Variants in UST observed in about 807,000 individuals in gnomAD.
UST encodes chondroitin sulfate 2-O-sulfotransferase.
In UST, 21 loss-of-function variants were observed where a neutral mutation model predicts 45.6. The observed-to-expected ratio is 0.46, with a 90% CI of 0.33 to 0.66. The LOEUF (loss-of-function observed/expected upper bound fraction) is 0.66. Among genes scored for constraint, UST ranks in the 30% least tolerant of loss-of-function variants. The probability of loss-of-function intolerance (pLI) is 0.02; values close to 1 mark genes in which losing one functional copy is unlikely to be tolerated. For synonymous variants in UST, 215 were observed against 200.6 expected (o/e 1.07, Z -0.61); for missense variants, 463 against 512.4 (o/e 0.90, Z 0.93).
chr6:148,875,169 T>G (rs1029261619), intron 1 of UST, among the ~76,000 whole-genome samples: 2 of 152,232 alleles, frequency 1.3e-5, no homozygotes, highest in African/African-American at 4.8e-5. Flanking sequence ...ACATTGACAG[T>G]AATGCATGTT....
intron 5 of UST, among the ~76,000 whole-genome samples, chr6:149,010,304 G>C (rs754403709): frequency 1.3e-5 from 2 of 152,150 alleles, no homozygotes; most frequent in Non-Finnish European, 2.9e-5. Context: ...GTGTTTTCCA[G>C]ACTCTCTGTG....
intron 3 of UST, among the ~76,000 whole-genome samples, chr6:148,950,439 T>C (rs1223425240): frequency 6.6e-6 from 1 of 152,218 alleles, no homozygotes; most frequent in Non-Finnish European, 1.5e-5. Context: ...AAGAATTTTT[T>C]CTGGCTGTTG....
At position 148,906,129 on chromosome 6, in the gene UST, C is replaced by T. The variant is rs77739130; in HGVS notation, c.291+19100C>T. 8.2e-3 allele frequency among the ~76,000 whole-genome samples: 1,254 copies of T among 152,250 alleles called. 12 individuals carry two copies. The highest frequency in any genetic ancestry group is 0.024 in the African/African-American group (1,003 of 41,548). On this transcript the variant is annotated intron_variant, in intron 2 of 7. Coordinates refer to ENST00000367463, the MANE Select transcript of UST (RefSeq NM_005715.3). Reference sequence around the variant, plus strand: ...TGATTCCATGATGCAGTGCCTCTAGCGCGGTGCTGTAGGACGTGAAGCATC... The same window carrying T: ...TGATTCCATGATGCAGTGCCTCTAGTGCGGTGCTGTAGGACGTGAAGCATC...
At chr6:148,938,616 C>T (rs1319607295) in intron 2 of UST, among the ~76,000 whole-genome samples, 1 of 151,946 alleles carries the variant, frequency 6.6e-6, no homozygotes. Flanking sequence ...TTAAAATGAC[C>T]TTCTGTTATG....
intron 2 of UST, among the ~76,000 whole-genome samples, chr6:148,909,212 G>A (rs1434757353): frequency 2.0e-5 from 3 of 152,012 alleles, no homozygotes; most frequent in Non-Finnish European, 4.4e-5. Flanking sequence ...AAATTTAATA[G>A]GCAGTAATTG....
intron 2 of UST, among the ~76,000 whole-genome samples, chr6:148,921,483 C>T (rs534699924): frequency 2.6e-5 from 4 of 152,264 alleles, no homozygotes; most frequent in South Asian, 2.1e-4. Context: ...GCATTCCATC[C>T]GTATGGGGAG....
intron 5 of UST, among the ~76,000 whole-genome samples, chr6:149,008,761 A>G (rs1348123815): frequency 2.0e-5 from 3 of 152,260 alleles, no homozygotes; most frequent in African/African-American, 7.2e-5. Flanking sequence ...CTACCTGGGA[A>G]AGCCCAGCAC....
intron 5 of UST, among the ~76,000 whole-genome samples, chr6:148,965,765 C>T (rs1264533345): frequency 6.6e-6 from 1 of 152,078 alleles, no homozygotes; most frequent in Non-Finnish European, 1.5e-5. Context: ...CGGCTTTCCA[C>T]TCACCTTCGG....
chr6:148,888,339 G>A (rs772978076), intron 2 of UST, among the ~76,000 whole-genome samples: 1 of 152,126 alleles, frequency 6.6e-6, no homozygotes, highest in African/African-American at 2.4e-5. Flanking sequence ...AGGCCACTCC[G>A]ACACTGGGGA....
intron 6 of UST, among the ~76,000 whole-genome samples, chr6:149,019,702 A>G (rs1240968464): frequency 6.6e-6 from 1 of 152,184 alleles, no homozygotes; most frequent in African/African-American, 2.4e-5. Flanking sequence ...CCTCAATCCC[A>G]TAGTGGATAT....
intron 7 of UST, among the ~76,000 whole-genome samples, chr6:149,042,999 CTTTCTTTCTTTCTTTCTTTCTT>C (rs1562337736): frequency 2.5e-5 from 3 of 117,680 alleles, no homozygotes; most frequent in South Asian, 2.6e-4. Flanking sequence ...TTCTTTCTTT[CTTTCTTTCTTTCTTTCTTTCTT>C]TTTCTTTCTT....
At chr6:149,041,176 G>A (rs928614764) in intron 7 of UST, among the ~76,000 whole-genome samples, 2 of 152,212 alleles carry the variant, frequency 1.3e-5, no homozygotes, top group Admixed American at 6.5e-5. Flanking sequence ...GGGCTTTATG[G>A]ATATTGATGC....
chr6:149,009,571 A>ACACACACT (rs1321622737), intron 5 of UST, among the ~76,000 whole-genome samples: 45 of 141,852 alleles, frequency 3.2e-4, no homozygotes, highest in African/African-American at 1.1e-3. Context: ...ACACACACAC[A>ACACACACT]CACACACACA....
At chr6:148,787,321 G>A (rs1776751624) in intron 1 of UST, among the ~76,000 whole-genome samples, 1 of 152,082 alleles carries the variant, frequency 6.6e-6, no homozygotes, top group Non-Finnish European at 1.5e-5. Context: ...TATAGTTTTG[G>A]GTTTTACATT....
chr6:149,008,940 CTCA>C (rs1255369042), intron 5 of UST, among the ~76,000 whole-genome samples: 2 of 152,188 alleles, frequency 1.3e-5, no homozygotes, highest in African/African-American at 4.8e-5. Flanking sequence ...TTTTTCCTGA[CTCA>C]TCATTAAATA....
intron 2 of UST, among the ~76,000 whole-genome samples, chr6:148,899,987 C>T (rs1779216392): frequency 6.6e-6 from 1 of 152,084 alleles, no homozygotes; most frequent in African/African-American, 2.4e-5. Context: ...ATTGTTGCAA[C>T]TAGGTAGACA....
intron 5 of UST, among the ~76,000 whole-genome samples, chr6:149,001,107 T>C (rs1235471030): frequency 4.0e-5 from 6 of 150,278 alleles, no homozygotes; most frequent in Non-Finnish European, 5.9e-5. Context: ...AGTCTTGCTC[T>C]GTCACCCAGG....
At chr6:148,822,835 A>G (rs985083389) in intron 1 of UST, among the ~76,000 whole-genome samples, 2 of 152,222 alleles carry the variant, frequency 1.3e-5, no homozygotes, top group Non-Finnish European at 2.9e-5. Flanking sequence ...TATATTATGG[A>G]TAGTGCAAAC....
intron 2 of UST, among the ~76,000 whole-genome samples, chr6:148,916,801 C>G (rs145091730): frequency 2.0e-5 from 3 of 152,200 alleles, no homozygotes; most frequent in African/African-American, 7.2e-5. Flanking sequence ...TGTCGTAATA[C>G]GTATTTGGCC....
Sources: gnomAD v4.1 joint callset for allele counts (sites outside exome capture counted in the v4.1 genomes callset) on GRCh38, gnomAD v4.1.1 for gene constraint, MANE v1.5 for transcripts, NCBI Gene and HGNC (gene_info 2026-07-23, HGNC 2026-07-21) for gene names.